LCK: variants seen among roughly 807,000 people sequenced by gnomAD.
LCK encodes LCK proto-oncogene, Src family tyrosine kinase, also known as tyrosine-protein kinase Lck.
A neutral mutation model predicts 64.6 loss-of-function variants in LCK; 14 were observed. The ratio of observed to expected loss-of-function variants is 0.22; its 90% CI spans 0.14 to 0.34. The LOEUF (loss-of-function observed/expected upper bound fraction) is 0.34, where lower values mean the gene tolerates loss of function less well. LCK is among the 10% of genes least tolerant of loss of function. The pLI, the probability that LCK is intolerant of heterozygous loss-of-function variation, is 1.00. For missense variants in LCK, 434 were observed against 668.1 expected (o/e 0.65, Z 3.86); for synonymous variants, 277 against 263.6 (o/e 1.05, Z -0.49).
intron 1 of LCK, among the ~76,000 whole-genome samples, chr1:32,270,915 G>A (rs1193610324): frequency 1.3e-5 from 2 of 150,132 alleles, no homozygotes; most frequent in East Asian, 3.9e-4. Flanking sequence ...TGTTGGCCAG[G>A]ATGGTCTCGA....
At position 32,276,550 on chromosome 1, in the gene LCK, G is replaced by A. The variant is rs1054210105; in HGVS notation, c.785-57G>A. 6.3e-7 allele frequency: 1 copy of A among 1,585,808 alleles called. No individual in the cohort carries two copies. On this transcript the variant is annotated intron_variant, in intron 8 of 12. Transcript: ENST00000336890. The surrounding 1 kb of genome is among the most constrained non-coding windows in gnomAD (Gnocchi z 4.6). Reference sequence around the variant, plus strand: ...GAACGGGAGGGGCCGCTGAGGTGATGAGAGTCCCAGGACAGCTGCCTGGCG... The same window carrying A: ...GAACGGGAGGGGCCGCTGAGGTGATAAGAGTCCCAGGACAGCTGCCTGGCG...
chr1:32,283,395 C>CT (rs1640520403), intron 12 of LCK, among the ~76,000 whole-genome samples: 1 of 152,042 alleles, frequency 6.6e-6, no homozygotes, highest in East Asian at 1.9e-4. Context: ...TAGTCCCAAG[C>CT]TTTCCAGGAG....
At chr1:32,260,171 T>G (rs981182791) in intron 1 of LCK, among the ~76,000 whole-genome samples, 7 of 151,776 alleles carry the variant, frequency 4.6e-5, no homozygotes, top group Non-Finnish European at 8.8e-5. Context: ...ACCACCACGT[T>G]CAGCTAATTT....
At chr1:32,280,443 C>CTTTTTTTTTTTT (rs770430504) in intron 12 of LCK, among the ~76,000 whole-genome samples, 30 of 84,746 alleles carry the variant, frequency 3.5e-4, no homozygotes, top group East Asian at 1.0e-3. Context: ...TTTTCTTTTT[C>CTTTTTTTTTTTT]TTTTTTTTTT....
chr1:32,253,316 C>A (rs1459834890), intron 1 of LCK, among the ~76,000 whole-genome samples: 5 of 152,092 alleles, frequency 3.3e-5, no homozygotes, highest in African/African-American at 7.2e-5. Context: ...GAGCAGAGAT[C>A]GAGTCATTGC....
chr1:32,259,289 T>TAA lies in LCK; in HGVS notation c.-6+7930_-6+7931dup, dbSNP rs10656936. 4.6e-4 allele frequency among the ~76,000 whole-genome samples: 57 copies of TAA among 124,132 alleles called. 4 individuals are homozygous for TAA. Among genetic ancestry groups the TAA allele is most frequent in the Non-Finnish European group, 7.6e-4 (47 of 61,900 alleles). The allele number at this position is 124,132 out of a possible 152,430, so 81.4% of individuals were successfully genotyped here. On this transcript the variant is annotated intron_variant, in intron 1 of 12. Coordinates refer to ENST00000336890, the MANE Select transcript of LCK (RefSeq NM_005356.5). ...GCCCTCTCATTCACAGCTTCTCAGG[T>TAA]AAAAAAAAAAAAAGAAAAAGAAAAA...
intron 1 of LCK, among the ~76,000 whole-genome samples, chr1:32,262,930 G>T (rs1448577014): frequency 2.6e-5 from 4 of 151,292 alleles, no homozygotes; most frequent in South Asian, 2.1e-4. Context: ...CAGCAATGAG[G>T]GCAGATTCTG....
At chr1:32,273,273 G>A (rs1253925565) in intron 1 of LCK, among the ~76,000 whole-genome samples, 1 of 149,836 alleles carries the variant, frequency 6.7e-6, no homozygotes, top group African/African-American at 2.5e-5. Flanking sequence ...GTACCTGTGA[G>A]GGGTGAGTGT....
At chr1:32,255,806 T>A (rs559755336) in intron 1 of LCK, among the ~76,000 whole-genome samples, 1,669 of 149,874 alleles carry the variant, frequency 0.011, 17 homozygotes, top group East Asian at 0.025. Flanking sequence ...ATTTATTTTT[T>A]TTTTTTTTTT....
intron 12 of LCK, among the ~76,000 whole-genome samples, chr1:32,281,904 A>G (rs1640472312): frequency 6.6e-6 from 1 of 152,096 alleles, no homozygotes; most frequent in Non-Finnish European, 1.5e-5. Context: ...CTCTACTAAA[A>G]AAAATATATA....
intron 1 of LCK, among the ~76,000 whole-genome samples, chr1:32,261,422 C>A (rs962890482): frequency 1.3e-5 from 2 of 151,318 alleles, no homozygotes; most frequent in Admixed American, 1.3e-4. Flanking sequence ...CCGAGGTGGG[C>A]GGATCACGAA....
chr1:32,279,239 G>C (rs564477093), intron 9 of LCK, among the ~76,000 whole-genome samples: 7 of 152,256 alleles, frequency 4.6e-5, no homozygotes, highest in Admixed American at 4.6e-4. Flanking sequence ...GCAGGGCCAC[G>C]AAAGAAAAGT....
At chr1:32,280,430 TTTTTTTCTTTTTC>T in intron 12 of LCK, among the ~76,000 whole-genome samples, 1 of 148,988 alleles carries the variant, frequency 6.7e-6, no homozygotes, top group Non-Finnish European at 1.5e-5. Context: ...TCTTTTTCTC[TTTTTTTCTTTTTC>T]TTTTTTTTTT....
intron 9 of LCK, among the ~76,000 whole-genome samples, chr1:32,278,750 T>C (rs2124365425): frequency 6.6e-6 from 1 of 152,342 alleles, no homozygotes; most frequent in African/African-American, 2.4e-5. Flanking sequence ...ATGGATACAA[T>C]GGAAGAATGG....
intron 1 of LCK, among the ~76,000 whole-genome samples, chr1:32,253,413 G>A (rs1639555014): frequency 6.6e-6 from 1 of 152,106 alleles, no homozygotes; most frequent in Admixed American, 6.5e-5. Flanking sequence ...AGCCTCCCAA[G>A]TGCTAGGATT....
rs1239576263 is a variant in LCK at position 32,276,556 on chromosome 1, C to A, written c.785-51C>A. ...GAGGGGCCGCTGAGGTGATGAGAGT[C>A]CCAGGACAGCTGCCTGGCGACTTTC... On this transcript the variant is annotated intron_variant, in intron 8 of 12. Coordinates refer to ENST00000336890, the MANE Select transcript of LCK (RefSeq NM_005356.5). The surrounding 1 kb of genome is among the most constrained non-coding windows in gnomAD (Gnocchi z 4.6). 2 of 1,585,018 alleles carry A rather than the reference C, an allele frequency of 1.3e-6. No homozygotes were observed. The highest frequency in any genetic ancestry group is 1.7e-6 in the Non-Finnish European group (2 of 1,162,822).
At chr1:32,284,908 G>A (rs1453953197) in intron 12 of LCK, among the ~76,000 whole-genome samples, 1 of 152,134 alleles carries the variant, frequency 6.6e-6, no homozygotes, top group Non-Finnish European at 1.5e-5. Context: ...CACTTGAACG[G>A]AGGAGTTCAA....
intron 1 of LCK, among the ~76,000 whole-genome samples, chr1:32,262,258 T>C (rs1024101996): frequency 5.1e-5 from 7 of 138,026 alleles, no homozygotes; most frequent in Non-Finnish European, 1.1e-4. Flanking sequence ...CCCAGCACTT[T>C]GGGAAGCCGA....
chr1:32,281,907 A>AT (rs546539011), intron 12 of LCK, among the ~76,000 whole-genome samples: 155 of 152,178 alleles, frequency 1.0e-3, no homozygotes, highest in Non-Finnish European at 1.7e-3. Flanking sequence ...TACTAAAAAA[A>AT]ATATATATAA....
Sources: allele counts gnomAD v4.1 joint callset (sites outside exome capture counted in the v4.1 genomes callset), GRCh38; gene constraint gnomAD v4.1.1; non-coding constraint Gnocchi (gnomAD v3.1); transcripts MANE v1.5; gene names NCBI Gene and HGNC (gene_info 2026-07-23, HGNC 2026-07-21).